Variants in LRRTM4 observed in about 807,000 individuals in gnomAD.
LRRTM4 encodes the protein leucine rich repeat transmembrane neuronal 4, also known as leucine-rich repeat transmembrane neuronal protein 4.
A neutral mutation model predicts 47.6 loss-of-function variants in LRRTM4; 25 were observed. The ratio of observed to expected loss-of-function variants is 0.53; its 90% CI spans 0.38 to 0.73. The LOEUF (loss-of-function observed/expected upper bound fraction) is 0.73. Among genes scored for constraint, LRRTM4 ranks in the 30% least tolerant of loss-of-function variants. The pLI is 0.00. For synonymous variants in LRRTM4, 311 were observed against 269.5 expected (o/e 1.15, Z -1.51); for missense variants, 638 against 713.4 (o/e 0.89, Z 1.20).
At position 77,334,444 on chromosome 2, in the gene LRRTM4, C is replaced by T. The variant is rs578023762; in HGVS notation, c.1551+183874G>A. ...ATTGAATTATGGGGGCATGGTCTTT[C>T]CCGGGCTGTTCTCATGATAGTGAAT... On this transcript the variant is annotated intron_variant, in intron 3 of 3. Transcript: ENST00000409884. Among the ~76,000 whole-genome samples the T allele has an allele frequency of 8.5e-5, 13 of 152,266 alleles. 1 individual carries two copies. Among genetic ancestry groups the T allele is most frequent in the Middle Eastern group, 6.8e-3 (2 of 294 alleles).
chr2:77,061,877 G>C (rs544158778), intron 3 of LRRTM4, among the ~76,000 whole-genome samples: 1 of 152,242 alleles, frequency 6.6e-6, no homozygotes, highest in Admixed American at 6.5e-5. Context: ...TTGAACCCAA[G>C]TTGACTTTCA....
chr2:76,842,982 A>G (rs1671732391), intron 3 of LRRTM4, among the ~76,000 whole-genome samples: 1 of 152,212 alleles, frequency 6.6e-6, no homozygotes, highest in Admixed American at 6.5e-5. Context: ...GCAAAGAGAA[A>G]TTTATGTTTC....
intron 3 of LRRTM4, among the ~76,000 whole-genome samples, chr2:76,787,324 G>T (rs190063568): frequency 6.6e-6 from 1 of 152,036 alleles, no homozygotes; most frequent in Non-Finnish European, 1.5e-5. Context: ...GCTATTACTG[G>T]CAACTTCCTG....
chr2:77,207,827 C>A (rs1674181565), intron 3 of LRRTM4, among the ~76,000 whole-genome samples: 1 of 143,942 alleles, frequency 6.9e-6, no homozygotes. Flanking sequence ...CTGTTCCATA[C>A]CAGATACTGG....
At chr2:76,997,621 T>G (rs909381599) in intron 3 of LRRTM4, among the ~76,000 whole-genome samples, 2 of 152,080 alleles carry the variant, frequency 1.3e-5, no homozygotes, top group African/African-American at 4.8e-5. Flanking sequence ...GAAGAACCCA[T>G]GAAGTCACAT....
chr2:77,043,896 T>C (rs1406405392), intron 3 of LRRTM4, among the ~76,000 whole-genome samples: 3 of 149,884 alleles, frequency 2.0e-5, no homozygotes, highest in East Asian at 2.0e-4. Context: ...TTGCAGCCCA[T>C]AAACAGGTAA....
At chr2:77,282,608 A>G (rs61519230) in intron 3 of LRRTM4, among the ~76,000 whole-genome samples, 25,192 of 151,782 alleles carry the variant, frequency 0.17, 4,749 homozygotes, top group African/African-American at 0.47. Context: ...ATAAGGCTAC[A>G]GTAAACACAA....
chr2:76,858,319 A>C (rs1347733952), intron 3 of LRRTM4, among the ~76,000 whole-genome samples: 1 of 152,198 alleles, frequency 6.6e-6, no homozygotes, highest in Non-Finnish European at 1.5e-5. Context: ...CATTTCTCCC[A>C]CCTGACTCTT....
Position 77,245,852 on chromosome 2 carries a change from C to A in LRRTM4, c.1551+272466G>T, listed in dbSNP as rs148085897. 4.2e-3 allele frequency among the ~76,000 whole-genome samples: 634 copies of A among 152,266 alleles called. 6 individuals carry two copies. Among genetic ancestry groups the A allele is most frequent in the African/African-American group, 0.015 (613 of 41,570 alleles). The stretch of plus-strand genomic sequence containing the variant: ...GCAATTTTAGATGGTTATTCTCACT[C>A]CAGTTTCAGAGTGAACACTGGGGCT... On this transcript the variant is annotated intron_variant, in intron 3 of 3. Coordinates refer to ENST00000409884, the MANE Select transcript of LRRTM4 (RefSeq NM_001134745.3).
intron 3 of LRRTM4, among the ~76,000 whole-genome samples, chr2:77,183,732 C>A (rs979501654): frequency 2.6e-5 from 4 of 152,224 alleles, no homozygotes; most frequent in South Asian, 2.1e-4. Flanking sequence ...ACATCTACAC[C>A]ATGGAATACT....
chr2:77,183,755 A>T (rs540996916), intron 3 of LRRTM4, among the ~76,000 whole-genome samples: 1 of 152,316 alleles, frequency 6.6e-6, no homozygotes, highest in East Asian at 1.9e-4. Context: ...GCAGCCATAA[A>T]AAAGCAATGA....
At chr2:77,460,469 C>T (rs954493334) in intron 3 of LRRTM4, among the ~76,000 whole-genome samples, 1 of 152,052 alleles carries the variant, frequency 6.6e-6, no homozygotes, top group Non-Finnish European at 1.5e-5. Context: ...ATATCTTTTG[C>T]ATGTTCATTT....
intron 3 of LRRTM4, among the ~76,000 whole-genome samples, chr2:77,444,332 A>G (rs1220504120): frequency 6.6e-6 from 1 of 152,160 alleles, no homozygotes; most frequent in Non-Finnish European, 1.5e-5. Context: ...CAACAAAAGT[A>G]ACATTTATAT....
chr2:77,453,176 AT>A (rs1162461607), intron 3 of LRRTM4, among the ~76,000 whole-genome samples: 2,787 of 99,468 alleles, frequency 0.028, 33 homozygotes, highest in African/African-American at 0.067. Flanking sequence ...TTTCTTCTTG[AT>A]TTTTTTTTTT....
chr2:77,245,872 G>A (rs1467034258), intron 3 of LRRTM4, among the ~76,000 whole-genome samples: 2 of 152,176 alleles, frequency 1.3e-5, no homozygotes, highest in Non-Finnish European at 2.9e-5. Flanking sequence ...AGTGAACACT[G>A]GGGCTATGAA....
At chr2:77,043,978 C>T (rs948530637) in intron 3 of LRRTM4, among the ~76,000 whole-genome samples, 1 of 151,522 alleles carries the variant, frequency 6.6e-6, no homozygotes, top group African/African-American at 2.4e-5. Flanking sequence ...TTTACTTATT[C>T]CAGGGTGTGC....
intron 3 of LRRTM4, among the ~76,000 whole-genome samples, chr2:76,977,019 TTGTG>T (rs1223872885): frequency 1.3e-5 from 2 of 150,750 alleles, no homozygotes; most frequent in East Asian, 2.0e-4. Flanking sequence ...CTGTGTGTGT[TTGTG>T]TGTGTTTACA....
chr2:77,071,448 T>G (rs1237499039), intron 3 of LRRTM4, among the ~76,000 whole-genome samples: 1 of 152,210 alleles, frequency 6.6e-6, no homozygotes, highest in Non-Finnish European at 1.5e-5. Context: ...TGGTATTTCA[T>G]ATATTCATTA....
intron 3 of LRRTM4, among the ~76,000 whole-genome samples, chr2:77,327,135 G>C (rs994771709): frequency 6.6e-6 from 1 of 152,132 alleles, no homozygotes; most frequent in Admixed American, 6.5e-5. Context: ...CTTCACTTGG[G>C]CAAAAGGATA....
Sources: gnomAD v4.1 joint callset for allele counts (sites outside exome capture counted in the v4.1 genomes callset) on GRCh38, gnomAD v4.1.1 for gene constraint, MANE v1.5 for transcripts, NCBI Gene and HGNC (gene_info 2026-07-23, HGNC 2026-07-21) for gene names.